IFT122: variants seen among roughly 807,000 people sequenced by gnomAD.
The protein encoded by IFT122 is intraflagellar transport protein 122 homolog.
IFT122 carries 118 observed loss-of-function variants against 161.6 expected under a neutral mutation model. That is an observed-to-expected ratio of 0.73 (90% CI 0.63 to 0.85). The LOEUF is 0.85. Among genes scored for constraint, IFT122 ranks in the 40% least tolerant of loss-of-function variants. The probability of loss-of-function intolerance (pLI) is 0.00; values close to 1 mark genes in which losing one functional copy is unlikely to be tolerated. For synonymous variants in IFT122, 550 were observed against 602.4 expected, an observed-to-expected ratio of 0.91 and a Z score of 1.27; for missense variants, 1,381 against 1,579.6, an observed-to-expected ratio of 0.87 and a Z score of 2.13.
At chr3:129,464,370 G>T in intron 6 of IFT122, among the ~76,000 whole-genome samples, 1 of 152,086 alleles carries the variant, frequency 6.6e-6, no homozygotes. Flanking sequence ...GCTAAGGGCT[G>T]TCATAGAGGT....
At chr3:129,456,593 T>G (rs2075521147) in intron 3 of IFT122, among the ~76,000 whole-genome samples, 1 of 151,988 alleles carries the variant, frequency 6.6e-6, no homozygotes, top group Non-Finnish European at 1.5e-5. Context: ...GCTGAGATTA[T>G]GCCACTGCTC....
In IFT122 at chr3:129,483,599, C is replaced by T. The variant is rs562767571; in HGVS notation, c.1768C>T (p.Leu590=). 1 of 1,614,132 alleles carries T rather than the reference C, an allele frequency of 6.2e-7. No homozygotes were observed. The highest frequency in any genetic ancestry group is 1.1e-5 in the South Asian group (1 of 91,074). ...CACCTTCCCTGTGCACCGGCAGAAGCTGCAGGGCTTTGTGGTCGGCTACAA... is the reference window on the plus strand; with the variant it reads ...CACCTTCCCTGTGCACCGGCAGAAGTTGCAGGGCTTTGTGGTCGGCTACAA... The part of the protein sequence containing the change: ...ASTFPVHRQK[L]QGFVVGYNGS... The change falls in exon 15 of 30, where the codon CTG becomes TTG. Residue 590 remains leucine (L), a synonymous_variant. Transcript: ENST00000348417.
At chr3:129,448,771 A>C (rs1220452073) in intron 1 of IFT122, among the ~76,000 whole-genome samples, 1 of 151,700 alleles carries the variant, frequency 6.6e-6, no homozygotes, top group African/African-American at 2.4e-5. Flanking sequence ...GGCTCACTGC[A>C]ACCTCTGCCT....
At chr3:129,458,758 G>C (rs2108027958) in intron 4 of IFT122, 81 bp downstream of exon 4, 1 of 1,136,626 alleles carries the variant, frequency 8.8e-7, no homozygotes, top group African/African-American at 1.5e-5. Context: ...AAAGATGTAG[G>C]AGAAAACTTT....
chr3:129,483,031 C>G (rs910762551), intron 14 of IFT122, among the ~76,000 whole-genome samples: 3 of 152,248 alleles, frequency 2.0e-5, no homozygotes, highest in African/African-American at 7.2e-5. Flanking sequence ...GGAGGTGATT[C>G]TCAGCCCTGC....
intron 14 of IFT122, among the ~76,000 whole-genome samples, chr3:129,482,641 G>T (rs1244813867): frequency 6.6e-6 from 1 of 152,172 alleles, no homozygotes; most frequent in Non-Finnish European, 1.5e-5. Context: ...TCATGTCCTT[G>T]AGAGAGTAGA....
intron 25 of IFT122, 189 bp from the exon 26 acceptor site, chr3:129,515,299 G>A: frequency 1.5e-6 from 1 of 653,160 alleles, no homozygotes; most frequent in Non-Finnish European, 2.8e-6. Flanking sequence ...CAGGGCTTGG[G>A]TATTTCGGCA....
intron 24 of IFT122, chr3:129,514,059 G>A: frequency 2.5e-6 from 1 of 404,262 alleles, no homozygotes; most frequent in Middle Eastern, 3.5e-4. Flanking sequence ...ATCCTAGGAG[G>A]GCCTGGCTGG....
rs55860024 is a variant in IFT122, at chr3:129,463,745, T to C, written c.416+119T>C. 89,459 of 779,270 alleles carry C rather than the reference T, an allele frequency of 0.11. 6,954 individuals are homozygous for C. Among genetic ancestry groups the C allele is most frequent in the South Asian group, 0.25 (16,766 of 67,750 alleles). 48.3% of individuals were successfully genotyped at this position (779,270 alleles called of 1,614,324 possible). ...GTTAGGTAGTTGGTTTAGGCCCCTG[T>C]ATTTCCTTTTTTCTTCTTTCTTCGT... On this transcript the variant is annotated intron_variant, in intron 6 of 29. Transcript: ENST00000348417.
At chr3:129,461,052 G>A (rs2076165100) in intron 4 of IFT122, 176 bp from the exon 5 acceptor site, 1 of 1,009,068 alleles carries the variant, frequency 9.9e-7, no homozygotes, top group South Asian at 1.3e-5. Flanking sequence ...GTGAGGAGAA[G>A]GAGAATTAAT....
At chr3:129,447,087 A>C (rs2074104213) in intron 1 of IFT122, among the ~76,000 whole-genome samples, 1 of 152,210 alleles carries the variant, frequency 6.6e-6, no homozygotes, top group African/African-American at 2.4e-5. Flanking sequence ...ACATAGCCAG[A>C]TGTTTCAGTC....
At position 129,461,531 on chromosome 3, in the gene IFT122, C is replaced by G. The variant is rs2076213976; in HGVS notation, c.349+227C>G. 8 of 558,754 alleles carry G rather than the reference C, an allele frequency of 1.4e-5. 1 individual carries two copies. The highest frequency in any genetic ancestry group is 3.9e-5 in the South Asian group (2 of 50,836). The allele number at this position is 558,754 out of a possible 1,614,324, so 34.6% of individuals were successfully genotyped here. ...GACATCAGAGACTACAGGAAGGGCC[C>G]CAGCAAAGGAAATGGTAACAAGATT... On this transcript the variant is annotated intron_variant, in intron 5 of 29. Coordinates refer to ENST00000348417, the MANE Select transcript of IFT122 (RefSeq NM_052989.3).
At chr3:129,484,544 T>C (rs1341488823) in intron 15 of IFT122, among the ~76,000 whole-genome samples, 1 of 152,250 alleles carries the variant, frequency 6.6e-6, no homozygotes, top group Non-Finnish European at 1.5e-5. Flanking sequence ...TTTATGTGTA[T>C]ACGTATTGCT....
chr3:129,506,091 G>A (rs539013157), intron 21 of IFT122, among the ~76,000 whole-genome samples: 1 of 152,312 alleles, frequency 6.6e-6, no homozygotes, highest in Non-Finnish European at 1.5e-5. Context: ...GCAGGGGGCA[G>A]AACCTCACTG....
chr3:129,500,338 A>G (rs2081375414), intron 19 of IFT122, among the ~76,000 whole-genome samples: 2 of 152,174 alleles, frequency 1.3e-5, no homozygotes, highest in Non-Finnish European at 2.9e-5. Context: ...TACAACCCAG[A>G]CGCTGTGATA....
Position 129,469,350 on chromosome 3 carries a change from G to T in IFT122, c.749G>T (p.Arg250Leu). The T allele has an allele frequency of 6.2e-7, 1 of 1,613,756 alleles. No homozygotes were observed. Among genetic ancestry groups the T allele is most frequent in the Non-Finnish European group, 8.5e-7 (1 of 1,179,736 alleles). Residue 250 changes from arginine (R) to leucine (L), a missense_variant, in exon 9 of 30, where the codon CGT becomes CTT. Physicochemically the swap from Arg to Leu is moderately radical, Grantham distance 102. Coordinates refer to ENST00000348417, the MANE Select transcript of IFT122 (RefSeq NM_052989.3). ...DSPRDDNLEERNDILAVADWG... is the reference protein window; with the variant it reads ...DSPRDDNLEELNDILAVADWG... ...TATCTTCTGTTGATTAGAGAGGAAC[G>T]TAATGACATCCTGGCTGTGGCTGAC...
intron 19 of IFT122, among the ~76,000 whole-genome samples, chr3:129,502,212 A>T (rs1472308999): frequency 6.6e-6 from 1 of 152,244 alleles, no homozygotes; most frequent in Non-Finnish European, 1.5e-5. Flanking sequence ...GAGGGCAGTC[A>T]TTGAGGTATT....
At chr3:129,447,440 G>A (rs2074148757) in intron 1 of IFT122, among the ~76,000 whole-genome samples, 1 of 152,182 alleles carries the variant, frequency 6.6e-6, no homozygotes, top group Non-Finnish European at 1.5e-5. Context: ...TAAGATAAAG[G>A]ATTGTGGAGA....
At position 129,495,557 on chromosome 3, in the gene IFT122, A is replaced by C; in HGVS notation, c.2158A>C (p.Asn720His). 6.2e-7 allele frequency: 1 copy of C among 1,614,176 alleles called. No homozygotes were observed. The highest frequency in any genetic ancestry group is 8.5e-7 in the Non-Finnish European group (1 of 1,180,034). ...AKLYKRSGHE[N>H]LALEMYTDLC... is the part of the protein sequence containing the mutation. ...ACTGTACAAGAGGAGTGGGCACGAG[A>C]ACCTCGCGCTTGAAATGTACACCGA... The change falls in exon 18 of 30, where the codon AAC becomes CAC. Residue 720 changes from asparagine to histidine, a missense_variant. Coordinates refer to ENST00000348417, the MANE Select transcript of IFT122 (RefSeq NM_052989.3).
Sources: gnomAD v4.1 joint callset for allele counts (sites outside exome capture counted in the v4.1 genomes callset) on GRCh38, gnomAD v4.1.1 for gene constraint, MANE v1.5 for transcripts, NCBI Gene and HGNC (gene_info 2026-07-23, HGNC 2026-07-21) for gene names.